The following GAPVD1 variants were observed in gnomAD, a reference collection of about 807,000 sequenced individuals.
GAPVD1 encodes GTPase-activating protein and VPS9 domain-containing protein 1.
A neutral mutation model predicts 155.5 loss-of-function variants in GAPVD1; 35 were observed. That is an observed-to-expected ratio of 0.23 (90% confidence interval 0.17 to 0.30). The LOEUF (loss-of-function observed/expected upper bound fraction) is 0.30, where lower values mean the gene tolerates loss of function less well. Ranked by LOEUF, GAPVD1 falls within the 10% of genes least tolerant of loss-of-function variation. The probability of loss-of-function intolerance (pLI) is 1.00; values close to 1 mark genes in which losing one functional copy is unlikely to be tolerated. For synonymous variants in GAPVD1, 636 were observed against 619.7 expected (o/e 1.03, Z -0.39); for missense variants, 1,429 against 1,775.7 (o/e 0.80, Z 3.51).
At chr9:125,277,600 A>G (rs1487824855) in intron 2 of GAPVD1, among the ~76,000 whole-genome samples, 2 of 152,142 alleles carry the variant, frequency 1.3e-5, no homozygotes, top group Non-Finnish European at 2.9e-5. Flanking sequence ...ATCAGTGCTT[A>G]GCACATAGGA....
intron 17 of GAPVD1, 46 bp downstream of exon 17, chr9:125,337,637 G>T (rs1234027171): frequency 6.6e-7 from 1 of 1,522,828 alleles, no homozygotes; most frequent in Admixed American, 1.9e-5. Context: ...TGCCTGCCTA[G>T]TTCTCTTGAT....
intron 15 of GAPVD1, among the ~76,000 whole-genome samples, chr9:125,333,655 A>G (rs1846436865): frequency 6.6e-6 from 1 of 151,414 alleles, no homozygotes; most frequent in Non-Finnish European, 1.5e-5. Flanking sequence ...CGCCCAGCTA[A>G]TTTTGTATTT....
At chr9:125,338,037 G>A (rs898092245) in intron 17 of GAPVD1, among the ~76,000 whole-genome samples, 13 of 152,062 alleles carry the variant, frequency 8.5e-5, no homozygotes, top group Admixed American at 2.0e-4. Context: ...CACCACACCC[G>A]GCTAATTTTT....
chr9:125,272,158 G>C (rs1229046101), intron 2 of GAPVD1, among the ~76,000 whole-genome samples: 1 of 151,956 alleles, frequency 6.6e-6, no homozygotes, highest in African/African-American at 2.4e-5. Context: ...TGAGTAGCTG[G>C]GATTACAGGC....
intron 1 of GAPVD1, among the ~76,000 whole-genome samples, chr9:125,262,574 G>A (rs1833104483): frequency 6.6e-6 from 1 of 152,158 alleles, no homozygotes; most frequent in Non-Finnish European, 1.5e-5. Flanking sequence ...TACACCCAGG[G>A]TTCTGTGTAT....
chr9:125,313,602 C>T (rs1259577347), intron 9 of GAPVD1, among the ~76,000 whole-genome samples: 2 of 151,996 alleles, frequency 1.3e-5, no homozygotes, highest in Non-Finnish European at 2.9e-5. Flanking sequence ...CGTGCCCAGC[C>T]ATTTTTTTCT....
At chr9:125,265,733 C>T (rs573918901) in intron 1 of GAPVD1, among the ~76,000 whole-genome samples, 29 of 74,718 alleles carry the variant, frequency 3.9e-4, no homozygotes, top group African/African-American at 4.6e-4. Context: ...TCATGTCTGA[C>T]GATATCAAAT....
intron 9 of GAPVD1, among the ~76,000 whole-genome samples, chr9:125,316,448 C>T (rs1253098954): frequency 1.3e-5 from 2 of 152,114 alleles, no homozygotes; most frequent in Non-Finnish European, 2.9e-5. Flanking sequence ...TCTGTTCCTG[C>T]ATTAGTTTGC....
intron 2 of GAPVD1, among the ~76,000 whole-genome samples, chr9:125,293,852 TTATATATATATATATATATATATA>T (rs1161661604): frequency 1.6e-3 from 55 of 35,196 alleles, no homozygotes; most frequent in Middle Eastern, 0.027. Context: ...AAAATATATT[TTATATATATATATATATATATATA>T]TATATATATA....
intron 27 of GAPVD1, among the ~76,000 whole-genome samples, chr9:125,360,955 G>A (rs1850819173): frequency 6.6e-6 from 1 of 152,128 alleles, no homozygotes; most frequent in South Asian, 2.1e-4. Flanking sequence ...TCCATCTCCT[G>A]GGTTCAAGCA....
chr9:125,312,493 C>T lies in GAPVD1; in HGVS notation c.1483C>T (p.His495Tyr), dbSNP rs778817532. The change falls in exon 9 of 28, where the codon CAT becomes TAT. Residue 495 changes from histidine (H) to tyrosine (Y), a missense_variant. Coordinates refer to ENST00000297933, the MANE Select transcript of GAPVD1 (RefSeq NM_001282680.3). ...RSRTNMLMDL[H>Y]MDHEGSSQET... ...CCGCACCAATATGCTAATGGACCTA[C>T]ATATGGACCATGAAGGATCATCTCA... 5.0e-6 allele frequency: 8 copies of T among 1,603,844 alleles called. No homozygotes were observed. The highest frequency in any genetic ancestry group is 6.8e-6 in the Non-Finnish European group (8 of 1,174,734).
intron 5 of GAPVD1, among the ~76,000 whole-genome samples, chr9:125,304,383 T>A (rs1474295217): frequency 6.6e-6 from 1 of 152,196 alleles, no homozygotes; most frequent in African/African-American, 2.4e-5. Flanking sequence ...AAATTTATTC[T>A]TATGGTAGAT....
chr9:125,272,127 G>A (rs951226262), intron 2 of GAPVD1, among the ~76,000 whole-genome samples: 15 of 152,022 alleles, frequency 9.9e-5, no homozygotes, highest in African/African-American at 2.9e-4. Flanking sequence ...GAGTTCAAGC[G>A]ATTCTCCTGC....
At chr9:125,275,721 A>G (rs1564264878) in intron 2 of GAPVD1, among the ~76,000 whole-genome samples, 1 of 152,244 alleles carries the variant, frequency 6.6e-6, no homozygotes, top group Non-Finnish European at 1.5e-5. Context: ...TAGCCACTGC[A>G]CTCTAGCCTG....
intron 2 of GAPVD1, among the ~76,000 whole-genome samples, chr9:125,280,268 T>C (rs912032472): frequency 2.0e-5 from 3 of 150,602 alleles, no homozygotes; most frequent in Non-Finnish European, 4.4e-5. Flanking sequence ...TGGTGGTGCA[T>C]GCCTGTAATC....
chr9:125,293,137 C>T (rs997582440), intron 2 of GAPVD1, among the ~76,000 whole-genome samples: 4 of 152,048 alleles, frequency 2.6e-5, no homozygotes, highest in Non-Finnish European at 4.4e-5. Flanking sequence ...GGTGACAGAC[C>T]TTGCTGAGGA....
chr9:125,335,736 A>T (rs80099678), intron 15 of GAPVD1, among the ~76,000 whole-genome samples: 9 of 152,300 alleles, frequency 5.9e-5, no homozygotes, highest in African/African-American at 2.2e-4. Flanking sequence ...CTCTTGTATT[A>T]CCATTTAATG....
At chr9:125,356,105 G>C (rs1007371306) in intron 25 of GAPVD1, among the ~76,000 whole-genome samples, 2 of 152,160 alleles carry the variant, frequency 1.3e-5, no homozygotes, top group Non-Finnish European at 2.9e-5. Flanking sequence ...TGTTTACTCT[G>C]CCTTAACTAA....
At chr9:125,357,024 C>T (rs181552426) in intron 25 of GAPVD1, among the ~76,000 whole-genome samples, 327 of 152,120 alleles carry the variant, frequency 2.1e-3, no homozygotes, top group Non-Finnish European at 4.1e-3. Flanking sequence ...CGAGGTTGGT[C>T]TCAAACTGCT....
Sources: gnomAD v4.1 joint callset for allele counts (sites outside exome capture counted in the v4.1 genomes callset) on GRCh38, gnomAD v4.1.1 for gene constraint, MANE v1.5 for transcripts, NCBI Gene and HGNC (gene_info 2026-07-23, HGNC 2026-07-21) for gene names.